The following CACUL1 variants were observed in gnomAD, a reference collection of about 807,000 sequenced individuals.
The protein encoded by CACUL1 is CDK2 associated cullin domain 1.
A neutral mutation model predicts 45.2 loss-of-function variants in CACUL1; 13 were observed. The ratio of observed to expected loss-of-function variants is 0.29; its 90% CI spans 0.19 to 0.46. CACUL1 has a LOEUF of 0.46. Among genes scored for constraint, CACUL1 ranks in the 20% least tolerant of loss-of-function variants. The pLI is 1.00. For synonymous variants in CACUL1, 197 were observed against 174.2 expected (o/e 1.13, Z -1.03); for missense variants, 421 against 471.4 (o/e 0.89, Z 0.99).
In CACUL1 at chr10:118,677,016, T is replaced by A. The variant is rs919193266; in HGVS notation, c.*9112A>T. On this transcript the variant is annotated 3_prime_UTR_variant, in exon 9 of 9. Coordinates refer to ENST00000369151, the MANE Select transcript of CACUL1 (RefSeq NM_153810.5). ...AGTTTTTACAACATTTTTTTCTTTT[T>A]TAGTTCACAATCTGGAATTTCTCTT... 2.0e-5 allele frequency: 3 copies of A among 152,218 alleles called. No homozygotes were observed. The highest frequency in any genetic ancestry group is 4.4e-5 in the Non-Finnish European group (3 of 68,042). 9.4% of individuals were successfully genotyped at this position (152,218 alleles called of 1,614,324 possible). A position where few individuals can be genotyped will look rare whatever the true frequency, so the allele number is the denominator to read the frequency against.
intron 3 of CACUL1, among the ~76,000 whole-genome samples, chr10:118,726,757 T>C (rs1026162016): frequency 2.6e-5 from 4 of 152,186 alleles, no homozygotes; most frequent in African/African-American, 9.7e-5. Flanking sequence ...AGAAAATACC[T>C]TACACCTTAG....
intron 3 of CACUL1, among the ~76,000 whole-genome samples, chr10:118,729,011 G>GA (rs1205177396): frequency 3.3e-5 from 5 of 151,914 alleles, no homozygotes; most frequent in Non-Finnish European, 7.4e-5. Flanking sequence ...GACATTGACA[G>GA]AAAAAAATAA....
intron 3 of CACUL1, among the ~76,000 whole-genome samples, chr10:118,713,773 TA>T (rs1845515635): frequency 6.6e-6 from 1 of 152,214 alleles, no homozygotes; most frequent in Non-Finnish European, 1.5e-5. Flanking sequence ...ACACAAATGC[TA>T]AGGTATAATC....
At chr10:118,721,267 G>A (rs988723023) in intron 3 of CACUL1, among the ~76,000 whole-genome samples, 3 of 152,184 alleles carry the variant, frequency 2.0e-5, no homozygotes, top group African/African-American at 4.8e-5. Context: ...ACTACCAAGG[G>A]ACTAGCTCAG....
rs547694409 is a variant in CACUL1, at chr10:118,714,586, A to G, written c.598-6999T>C. ...TCTGAGAAAATGTCTGTCAAATACC[A>G]AAGTCTAACCGTAGTTTGTCAGTCT... On this transcript the variant is annotated intron_variant, in intron 3 of 8. Transcript: ENST00000369151. Among the ~76,000 whole-genome samples the G allele has an allele frequency of 1.1e-4, 17 of 152,360 alleles. No homozygotes were observed. In the East Asian group the frequency reaches 3.3e-3, roughly 29 times the overall value.
At chr10:118,687,285 G>A (rs955231770) in intron 7 of CACUL1, among the ~76,000 whole-genome samples, 1 of 151,988 alleles carries the variant, frequency 6.6e-6, no homozygotes, top group African/African-American at 2.4e-5. Context: ...TCCTCTCTAC[G>A]CTTCAGATCT....
At chr10:118,716,104 C>T (rs1344022688) in intron 3 of CACUL1, among the ~76,000 whole-genome samples, 5 of 151,816 alleles carry the variant, frequency 3.3e-5, no homozygotes, top group Admixed American at 1.3e-4. Flanking sequence ...TGGTGGCACG[C>T]GCCTGTAGTC....
chr10:118,729,876 C>T (rs770336829), intron 2 of CACUL1, among the ~76,000 whole-genome samples: 11 of 152,158 alleles, frequency 7.2e-5, no homozygotes, highest in Non-Finnish European at 1.5e-4. Context: ...TCATATCCCA[C>T]CCCACTTCCT....
chr10:118,727,651 A>T (rs1253248278), intron 3 of CACUL1, among the ~76,000 whole-genome samples: 2 of 152,328 alleles, frequency 1.3e-5, no homozygotes, highest in East Asian at 3.9e-4. Flanking sequence ...CTGACTATTC[A>T]CTTCAGCACT....
At chr10:118,735,136 G>A (rs1384224755) in intron 1 of CACUL1, among the ~76,000 whole-genome samples, 1 of 152,194 alleles carries the variant, frequency 6.6e-6, no homozygotes, top group Non-Finnish European at 1.5e-5. Flanking sequence ...AATTAACTTC[G>A]TGAGTCAAAA....
In CACUL1 at chr10:118,678,917, T is replaced by C. The variant is rs1408276732; in HGVS notation, c.*7211A>G. 1 of 152,262 alleles carries C rather than the reference T, an allele frequency of 6.6e-6. No individual in the cohort carries two copies. Among genetic ancestry groups the C allele is most frequent in the Non-Finnish European group, 1.5e-5 (1 of 68,050 alleles). 9.4% of individuals were successfully genotyped at this position (152,262 alleles called of 1,614,324 possible). On this transcript the variant is annotated 3_prime_UTR_variant, in exon 9 of 9. Transcript: ENST00000369151. ...GTCCTTAATAATCTTCATAATTTAGTCTCTGCAAGATCTATTAATTACTGA... is the reference window on the plus strand; with the variant it reads ...GTCCTTAATAATCTTCATAATTTAGCCTCTGCAAGATCTATTAATTACTGA...
intron 8 of CACUL1, 68 bp downstream of exon 8, chr10:118,686,530 C>G (rs1203959774): frequency 8.8e-7 from 1 of 1,133,928 alleles, no homozygotes; most frequent in African/African-American, 1.5e-5. Flanking sequence ...GCACTGTTAT[C>G]ACAGTGCATT....
At chr10:118,714,175 T>A (rs1289186834) in intron 3 of CACUL1, among the ~76,000 whole-genome samples, 1 of 152,246 alleles carries the variant, frequency 6.6e-6, no homozygotes, top group Non-Finnish European at 1.5e-5. Context: ...TCAGTTGTGA[T>A]GTGTTATTTT....
intron 1 of CACUL1, among the ~76,000 whole-genome samples, chr10:118,734,042 C>A (rs1246527280): frequency 6.6e-6 from 1 of 151,988 alleles, no homozygotes; most frequent in Non-Finnish European, 1.5e-5. Flanking sequence ...AAAAGAGTAG[C>A]CAAAATTCAT....
intron 3 of CACUL1, among the ~76,000 whole-genome samples, chr10:118,718,734 C>A (rs889056403): frequency 6.6e-6 from 1 of 152,184 alleles, no homozygotes; most frequent in East Asian, 1.9e-4. Flanking sequence ...CCACCACGCC[C>A]GGCTAATTTT....
At chr10:118,736,181 T>C (rs903501684) in intron 1 of CACUL1, among the ~76,000 whole-genome samples, 7 of 152,132 alleles carry the variant, frequency 4.6e-5, no homozygotes, top group African/African-American at 1.4e-4. Flanking sequence ...AGAGGAATGG[T>C]CATAGAAAGT....
chr10:118,702,663 C>A (rs1426053967), intron 4 of CACUL1, among the ~76,000 whole-genome samples: 2 of 151,656 alleles, frequency 1.3e-5, no homozygotes, highest in East Asian at 3.9e-4. Flanking sequence ...CTCACTGCAA[C>A]CTCTGCTTCC....
At chr10:118,746,253 C>T (rs1000351814) in intron 1 of CACUL1, among the ~76,000 whole-genome samples, 2 of 151,252 alleles carry the variant, frequency 1.3e-5, no homozygotes, top group Admixed American at 1.3e-4. Flanking sequence ...AGATATGCAA[C>T]AATCCTAAAT....
At chr10:118,717,573 T>C (rs1006021637) in intron 3 of CACUL1, among the ~76,000 whole-genome samples, 1 of 152,154 alleles carries the variant, frequency 6.6e-6, no homozygotes, top group Non-Finnish European at 1.5e-5. Flanking sequence ...TCTGCAATGT[T>C]CAACTAGGTG....
Sources: allele counts gnomAD v4.1 joint callset (sites outside exome capture counted in the v4.1 genomes callset), GRCh38; gene constraint gnomAD v4.1.1; transcripts MANE v1.5; gene names NCBI Gene and HGNC (gene_info 2026-07-23, HGNC 2026-07-21).